Variants in ARHGAP15 observed in about 807,000 individuals in gnomAD.
ARHGAP15 encodes the protein rho GTPase-activating protein 15.
ARHGAP15 carries 51 observed loss-of-function variants against 63.7 expected under a neutral mutation model. The ratio of observed to expected loss-of-function variants is 0.80; its 90% CI spans 0.64 to 1.01. The LOEUF is 1.01. Among genes scored for constraint, ARHGAP15 ranks in the 50% least tolerant of loss-of-function variants. The probability of loss-of-function intolerance (pLI) is 0.00; values close to 1 mark genes in which losing one functional copy is unlikely to be tolerated. For missense variants in ARHGAP15, 560 were observed against 564.6 expected, an observed-to-expected ratio of 0.99 and a Z score of 0.08; for synonymous variants, 191 against 193.8, an observed-to-expected ratio of 0.99 and a Z score of 0.12.
chr2:143,298,056 T>C (rs575873063), intron 6 of ARHGAP15, among the ~76,000 whole-genome samples: 3 of 152,120 alleles, frequency 2.0e-5, no homozygotes, highest in African/African-American at 7.2e-5. Context: ...ATAGATATCA[T>C]TCTCTCCAGT....
At chr2:143,644,098 A>C (rs1350212410) in intron 12 of ARHGAP15, among the ~76,000 whole-genome samples, 1 of 152,132 alleles carries the variant, frequency 6.6e-6, no homozygotes, top group Non-Finnish European at 1.5e-5. Flanking sequence ...TTATTTAATC[A>C]AAAGTGTGAC....
At chr2:143,168,952 T>C (rs1352773148) in intron 2 of ARHGAP15, among the ~76,000 whole-genome samples, 1 of 152,046 alleles carries the variant, frequency 6.6e-6, no homozygotes, top group African/African-American at 2.4e-5. Flanking sequence ...AATGTCTTTT[T>C]TGGGAGCATC....
rs183205464 is a variant in ARHGAP15, at chr2:143,210,791, C to G, written c.235-5593C>G. Among the ~76,000 whole-genome samples, 187 of 152,274 alleles carry G rather than the reference C, an allele frequency of 1.2e-3. 1 individual carries two copies. Among genetic ancestry groups the G allele is most frequent in the Non-Finnish European group, 2.0e-3 (135 of 67,988 alleles). ...TTTGAGAATTCTTGGTGACCTCTTT[C>G]TATCACCACTTATGTATGACCCAGA... On this transcript the variant is annotated intron_variant, in intron 3 of 13. Coordinates refer to ENST00000295095, the MANE Select transcript of ARHGAP15 (RefSeq NM_018460.4).
At chr2:143,431,726 T>G (rs1049881485) in intron 6 of ARHGAP15, among the ~76,000 whole-genome samples, 2 of 152,016 alleles carry the variant, frequency 1.3e-5, no homozygotes, top group Non-Finnish European at 2.9e-5. Flanking sequence ...TTCTTGAGGG[T>G]GGGGGCTGTG....
chr2:143,389,594 C>T (rs1216943864), intron 6 of ARHGAP15, among the ~76,000 whole-genome samples: 1 of 152,142 alleles, frequency 6.6e-6, no homozygotes, highest in Admixed American at 6.6e-5. Context: ...GAGGCTTAGG[C>T]TGCACCTTTC....
At chr2:143,151,563 T>C (rs966999490) in intron 1 of ARHGAP15, among the ~76,000 whole-genome samples, 3 of 151,980 alleles carry the variant, frequency 2.0e-5, no homozygotes, top group African/African-American at 4.8e-5. Context: ...ACCCCTCCCA[T>C]ATACATCTAA....
At chr2:143,551,158 CTT>C (rs1695545936) in intron 10 of ARHGAP15, among the ~76,000 whole-genome samples, 1 of 151,966 alleles carries the variant, frequency 6.6e-6, no homozygotes, top group Admixed American at 6.6e-5. Flanking sequence ...GAAAATAGAA[CTT>C]TTCTTTTCGA....
intron 12 of ARHGAP15, among the ~76,000 whole-genome samples, chr2:143,635,057 G>C (rs1011186964): frequency 1.1e-4 from 17 of 151,230 alleles, no homozygotes; most frequent in African/African-American, 3.9e-4. Context: ...GGGACAGACA[G>C]ACACACACAC....
At chr2:143,617,218 T>C (rs1415289758) in intron 11 of ARHGAP15, among the ~76,000 whole-genome samples, 1 of 152,334 alleles carries the variant, frequency 6.6e-6, no homozygotes, top group Non-Finnish European at 1.5e-5. Flanking sequence ...TGTTGTTCAC[T>C]GTGTTTCACA....
At chr2:143,156,979 T>G (rs949435566) in intron 2 of ARHGAP15, among the ~76,000 whole-genome samples, 1 of 151,922 alleles carries the variant, frequency 6.6e-6, no homozygotes, top group Non-Finnish European at 1.5e-5. Flanking sequence ...AGTTTAAAAG[T>G]TAAGTATATT....
chr2:143,238,899 T>C (rs1693757293), intron 5 of ARHGAP15, among the ~76,000 whole-genome samples: 1 of 152,062 alleles, frequency 6.6e-6, no homozygotes, highest in South Asian at 2.1e-4. Flanking sequence ...TGCAGGGACA[T>C]GGATGGAGTG....
intron 11 of ARHGAP15, among the ~76,000 whole-genome samples, chr2:143,577,695 AT>A (rs1696728254): frequency 6.6e-6 from 1 of 152,110 alleles, no homozygotes; most frequent in Non-Finnish European, 1.5e-5. Context: ...ATTAACCAAA[AT>A]TGTGTCATTA....
At chr2:143,519,194 TG>T in intron 9 of ARHGAP15, 71 bp from the exon 10 acceptor site, 1 of 1,195,906 alleles carries the variant, frequency 8.4e-7, no homozygotes, top group Non-Finnish European at 1.2e-6. Flanking sequence ...GCAATGGATA[TG>T]GAAACGGAAT....
intron 10 of ARHGAP15, among the ~76,000 whole-genome samples, chr2:143,532,843 C>A (rs1694577780): frequency 6.6e-6 from 1 of 151,902 alleles, no homozygotes; most frequent in Non-Finnish European, 1.5e-5. Context: ...ATAGATATAC[C>A]AAATGGGCAA....
At chr2:143,654,912 A>G (rs953699009) in intron 12 of ARHGAP15, among the ~76,000 whole-genome samples, 2 of 152,216 alleles carry the variant, frequency 1.3e-5, no homozygotes, top group South Asian at 4.1e-4. Context: ...AGCCTAGGCA[A>G]CAAAGCAAGA....
intron 13 of ARHGAP15, among the ~76,000 whole-genome samples, chr2:143,744,541 G>T (rs946767043): frequency 1.1e-4 from 16 of 152,138 alleles, no homozygotes; most frequent in African/African-American, 3.1e-4. Flanking sequence ...CAGGAGTGTT[G>T]TCATATTAGT....
At chr2:143,372,113 G>A (rs142006890) in intron 6 of ARHGAP15, among the ~76,000 whole-genome samples, 3 of 151,974 alleles carry the variant, frequency 2.0e-5, no homozygotes, top group Non-Finnish European at 2.9e-5. Context: ...GCTGAGGCAG[G>A]AGGATCACTT....
At chr2:143,309,399 C>T (rs1445415979) in intron 6 of ARHGAP15, among the ~76,000 whole-genome samples, 1 of 152,072 alleles carries the variant, frequency 6.6e-6, no homozygotes, top group African/African-American at 2.4e-5. Context: ...AATCCATCTA[C>T]ACCAAAGTGA....
At chr2:143,574,560 A>G (rs1029008659) in intron 11 of ARHGAP15, among the ~76,000 whole-genome samples, 3 of 152,080 alleles carry the variant, frequency 2.0e-5, no homozygotes, top group Non-Finnish European at 2.9e-5. Context: ...TGTTCATTAA[A>G]CCTATTTTGA....
Sources: gnomAD v4.1 joint callset for allele counts (sites outside exome capture counted in the v4.1 genomes callset) on GRCh38, gnomAD v4.1.1 for gene constraint, MANE v1.5 for transcripts, NCBI Gene and HGNC (gene_info 2026-07-23, HGNC 2026-07-21) for gene names.